Variants in VSNL1 observed in about 807,000 individuals in gnomAD.
The protein encoded by VSNL1 is visinin-like protein 1.
In VSNL1, 6 loss-of-function variants were observed where a neutral mutation model predicts 20.4. The observed-to-expected ratio is 0.29, with a 90% CI of 0.16 to 0.58. The LOEUF is 0.58. Ranked by LOEUF, VSNL1 falls within the 20% of genes least tolerant of loss-of-function variation. The pLI is 0.90. For synonymous variants in VSNL1, 93 were observed against 86.4 expected (o/e 1.08, Z -0.42); for missense variants, 100 against 234.5 (o/e 0.43, Z 3.75).
At chr2:17,571,336 G>GT (rs1443630280) in intron 1 of VSNL1, among the ~76,000 whole-genome samples, 1 of 152,064 alleles carries the variant, frequency 6.6e-6, no homozygotes, top group Non-Finnish European at 1.5e-5. Flanking sequence ...ATTTAAGGTT[G>GT]TTTTTTCAGT....
chr2:17,596,890 TAAAG>T (rs1664723541), intron 2 of VSNL1, among the ~76,000 whole-genome samples: 1 of 152,162 alleles, frequency 6.6e-6, no homozygotes, highest in Non-Finnish European at 1.5e-5. Flanking sequence ...AGCGGAGTCT[TAAAG>T]GAAAGAAGGG....
At chr2:17,571,052 AC>A (rs1664070095) in intron 1 of VSNL1, among the ~76,000 whole-genome samples, 1 of 152,198 alleles carries the variant, frequency 6.6e-6, no homozygotes, top group African/African-American at 2.4e-5. Flanking sequence ...AAACTAATTT[AC>A]CCAAAATAAA....
At chr2:17,615,227 G>A (rs564367537) in intron 2 of VSNL1, among the ~76,000 whole-genome samples, 13 of 152,304 alleles carry the variant, frequency 8.5e-5, no homozygotes, top group Admixed American at 3.9e-4. Flanking sequence ...TCTTCATAGC[G>A]TTTACTTCCA....
At chr2:17,553,416 A>G (rs751344270) in intron 1 of VSNL1, among the ~76,000 whole-genome samples, 1 of 152,230 alleles carries the variant, frequency 6.6e-6, no homozygotes, top group African/African-American at 2.4e-5. Flanking sequence ...GAAAAATTAA[A>G]ATATGGCATA....
intron 1 of VSNL1, among the ~76,000 whole-genome samples, chr2:17,574,819 T>C (rs1057346577): frequency 6.6e-6 from 1 of 152,020 alleles, no homozygotes; most frequent in African/African-American, 2.4e-5. Flanking sequence ...CAGCCTGGAG[T>C]GTAGTGCTGT....
intron 2 of VSNL1, among the ~76,000 whole-genome samples, chr2:17,596,840 A>G (rs538114904): frequency 2.6e-5 from 4 of 152,304 alleles, no homozygotes; most frequent in South Asian, 2.1e-4. Flanking sequence ...TTCCCTGTCT[A>G]TAAGGTGGAA....
At chr2:17,630,749 C>T (rs80161161) in intron 2 of VSNL1, among the ~76,000 whole-genome samples, 8,133 of 152,098 alleles carry the variant, frequency 0.053, 257 homozygotes, top group East Asian at 0.092. Flanking sequence ...AACATACACC[C>T]GCATATATGG....
At chr2:17,646,161 T>C (rs1260535980) in intron 2 of VSNL1, among the ~76,000 whole-genome samples, 1 of 152,222 alleles carries the variant, frequency 6.6e-6, no homozygotes. Flanking sequence ...CCTTGACACA[T>C]AGCAGCTGCT....
intron 2 of VSNL1, among the ~76,000 whole-genome samples, chr2:17,645,321 G>A (rs1273783855): frequency 6.6e-6 from 1 of 152,248 alleles, no homozygotes; most frequent in South Asian, 2.1e-4. Context: ...CCCACCCAAA[G>A]GTTGGGCTGG....
chr2:17,619,166 A>G (rs1231751711), intron 2 of VSNL1, among the ~76,000 whole-genome samples: 1 of 152,200 alleles, frequency 6.6e-6, no homozygotes, highest in Non-Finnish European at 1.5e-5. Context: ...CAGTGCCCAA[A>G]GAGGTTATGC....
intron 2 of VSNL1, among the ~76,000 whole-genome samples, chr2:17,607,886 T>A (rs1009435800): frequency 9.2e-5 from 14 of 152,248 alleles, no homozygotes; most frequent in Admixed American, 7.8e-4. Context: ...ACCTTTTCAA[T>A]ACAGAATGTT....
chr2:17,604,695 A>G (rs1225786651), intron 2 of VSNL1, among the ~76,000 whole-genome samples: 4 of 152,230 alleles, frequency 2.6e-5, no homozygotes, highest in African/African-American at 9.6e-5. Flanking sequence ...AGTCTGAAAT[A>G]AAGAAGCATA....
At chr2:17,565,343 C>A (rs1043878199) in intron 1 of VSNL1, among the ~76,000 whole-genome samples, 2 of 152,134 alleles carry the variant, frequency 1.3e-5, no homozygotes, top group African/African-American at 4.8e-5. Context: ...TTAATGCCTT[C>A]TCATATTTTG....
chr2:17,551,965 G>A (rs1011462746), intron 1 of VSNL1, among the ~76,000 whole-genome samples: 22 of 149,782 alleles, frequency 1.5e-4, no homozygotes, highest in African/African-American at 5.4e-4. Context: ...TTGGGAGGCC[G>A]AGGCGGGTGG....
chr2:17,576,531 G>T (rs62131545), intron 1 of VSNL1, among the ~76,000 whole-genome samples: 5,025 of 152,182 alleles, frequency 0.033, 88 homozygotes, highest in East Asian at 0.098. Flanking sequence ...TGTAAACTTG[G>T]CCATTGATAT....
chr2:17,600,014 C>T (rs1664790566), intron 2 of VSNL1, among the ~76,000 whole-genome samples: 1 of 152,174 alleles, frequency 6.6e-6, no homozygotes, highest in Admixed American at 6.5e-5. Flanking sequence ...TCTCCAATTC[C>T]CAAAGCCAAA....
chr2:17,641,608 T>TA (rs1665884224), intron 2 of VSNL1, among the ~76,000 whole-genome samples: 1 of 152,074 alleles, frequency 6.6e-6, no homozygotes, highest in African/African-American at 2.4e-5. Context: ...TAGACAGAAA[T>TA]AAAAAGAGAC....
At chr2:17,613,827 C>T (rs1267768967) in intron 2 of VSNL1, among the ~76,000 whole-genome samples, 1 of 152,202 alleles carries the variant, frequency 6.6e-6, no homozygotes, top group Non-Finnish European at 1.5e-5. Context: ...ATGTAAATAG[C>T]TTCTTCCATT....
chr2:17,623,253 C>A (rs993863839), intron 2 of VSNL1, among the ~76,000 whole-genome samples: 5 of 151,984 alleles, frequency 3.3e-5, no homozygotes, highest in Non-Finnish European at 5.9e-5. Flanking sequence ...TGAGAGAGAC[C>A]AGCTGACTTG....
Sources: gnomAD v4.1 joint callset for allele counts (sites outside exome capture counted in the v4.1 genomes callset) on GRCh38, gnomAD v4.1.1 for gene constraint, MANE v1.5 for transcripts, NCBI Gene and HGNC (gene_info 2026-07-23, HGNC 2026-07-21) for gene names.